Variants in CCDC171 observed in about 807,000 individuals in gnomAD.
CCDC171 encodes the protein coiled-coil domain-containing protein 171.
CCDC171 carries 177 observed loss-of-function variants against 168.2 expected under a neutral mutation model. The ratio of observed to expected loss-of-function variants is 1.05; its 90% CI spans 0.93 to 1.19. CCDC171 has a LOEUF of 1.19. Among genes scored for constraint, CCDC171 ranks in the 50% most tolerant of loss-of-function variants. CCDC171 has a pLI of 0.00. For synonymous variants in CCDC171, 687 were observed against 540.8 expected, an observed-to-expected ratio of 1.27 and a Z score of -3.75; for missense variants, 1,991 against 1,539.0, an observed-to-expected ratio of 1.29 and a Z score of -4.91.
At chr9:15,939,829 C>A (rs919782302) in intron 25 of CCDC171, among the ~76,000 whole-genome samples, 6 of 151,804 alleles carry the variant, frequency 4.0e-5, no homozygotes, top group African/African-American at 9.7e-5. Context: ...ATTTGAGACA[C>A]CCCGGAACAA....
rs777673348 is a variant in CCDC171, at chr9:15,724,773, C to T, written c.1492-3C>T. 8 of 1,609,482 alleles carry T rather than the reference C, an allele frequency of 5.0e-6. No individual in the cohort carries two copies. The highest frequency in any genetic ancestry group is 1.7e-4 in the Middle Eastern group (1 of 5,778). On this transcript the variant is annotated splice_region_variant and splice_polypyrimidine_tract_variant and intron_variant, in intron 13 of 25. Transcript: ENST00000380701. ...CAATCTCTTTATTTGGTATCTATGA[C>T]AGGAACTTCAGGATAAACTGGCTGA...
intron 23 of CCDC171, among the ~76,000 whole-genome samples, chr9:15,873,734 A>G (rs1426416597): frequency 2.6e-5 from 4 of 152,100 alleles, no homozygotes; most frequent in Non-Finnish European, 5.9e-5. Flanking sequence ...CATTTATATT[A>G]TATAAGGAAT....
At chr9:16,107,743 C>CA in the CCDC171 span, among the ~76,000 whole-genome samples, 2 of 151,650 alleles carry the variant, frequency 1.3e-5, no homozygotes, top group East Asian at 1.9e-4. Flanking sequence ...ACTTTCTTGA[C>CA]AAAAAAAATT....
intron 6 of CCDC171, among the ~76,000 whole-genome samples, chr9:15,594,980 G>A (rs1392699196): frequency 6.6e-6 from 1 of 151,754 alleles, no homozygotes; most frequent in African/African-American, 2.4e-5. Context: ...GTATTTTTTC[G>A]ACACAGAATG....
At chr9:16,102,637 C>A in the CCDC171 span, among the ~76,000 whole-genome samples, 2 of 152,102 alleles carry the variant, frequency 1.3e-5, no homozygotes, top group African/African-American at 4.8e-5. Flanking sequence ...ACTCGGATAT[C>A]TTTTTTAAAA....
intron 21 of CCDC171, among the ~76,000 whole-genome samples, chr9:15,809,010 G>T (rs770477132): frequency 7.2e-5 from 11 of 152,064 alleles, no homozygotes; most frequent in Non-Finnish European, 1.3e-4. Context: ...GAGCTCTTTG[G>T]GCCTTATTTA....
chr9:15,798,468 G>T (rs2058664019), intron 21 of CCDC171, among the ~76,000 whole-genome samples: 1 of 151,788 alleles, frequency 6.6e-6, no homozygotes, highest in African/African-American at 2.4e-5. Context: ...TGGGATACAT[G>T]TGCAGAACAT....
rs1427847962 is a variant in CCDC171 at position 15,571,490 on chromosome 9, A to G, written c.42-134A>G. On this transcript the variant is annotated intron_variant, in intron 2 of 25. Transcript: ENST00000380701. ...TTTTGCAGTGGACATCTTTTACTAG[A>G]TTGTGAACTCTAAGTCAAGAACCAT... is the stretch of plus-strand genomic sequence containing the variant. 4 of 626,514 alleles carry G rather than the reference A, an allele frequency of 6.4e-6. No individual in the cohort carries two copies. The East Asian group carries it at 1.3e-4, about 20-fold the overall frequency. The allele number at this position is 626,514 out of a possible 1,614,324, so 38.8% of individuals were successfully genotyped here. A position where few individuals can be genotyped will look rare whatever the true frequency, so the allele number is the denominator to read the frequency against.
At chr9:15,561,910 C>G (rs1420002805) in intron 1 of CCDC171, among the ~76,000 whole-genome samples, 1 of 152,042 alleles carries the variant, frequency 6.6e-6, no homozygotes. Flanking sequence ...GCCTGTTACT[C>G]AAGATTTTTT....
intron 25 of CCDC171, among the ~76,000 whole-genome samples, chr9:15,940,616 G>A (rs558689124): frequency 3.1e-4 from 47 of 152,026 alleles, no homozygotes; most frequent in African/African-American, 1.1e-3. Flanking sequence ...TCCCTCACCA[G>A]AAGTTATACA....
At chr9:15,961,479 G>A (rs552308588) in intron 25 of CCDC171, among the ~76,000 whole-genome samples, 3 of 152,240 alleles carry the variant, frequency 2.0e-5, no homozygotes, top group Non-Finnish European at 2.9e-5. Flanking sequence ...TTGCATTTGC[G>A]CAGAGTAGAG....
chr9:15,887,583 T>C (rs1435678178), intron 24 of CCDC171, among the ~76,000 whole-genome samples: 3 of 152,188 alleles, frequency 2.0e-5, no homozygotes, highest in African/African-American at 7.2e-5. Context: ...TTGGAGGTCC[T>C]GTTGAGAGAA....
At chr9:15,642,154 C>G (rs1358546937) in intron 7 of CCDC171, among the ~76,000 whole-genome samples, 2 of 151,144 alleles carry the variant, frequency 1.3e-5, no homozygotes, top group Non-Finnish European at 2.9e-5. Flanking sequence ...GAGTGAGACT[C>G]TGTCTCAAAA....
At chr9:15,668,262 T>C (rs1007508648) in intron 9 of CCDC171, among the ~76,000 whole-genome samples, 1 of 152,172 alleles carries the variant, frequency 6.6e-6, no homozygotes. Flanking sequence ...CTTATAAAGA[T>C]TGGACTGGAG....
intron 25 of CCDC171, among the ~76,000 whole-genome samples, chr9:15,954,713 G>C (rs1829605133): frequency 6.6e-6 from 1 of 150,974 alleles, no homozygotes; most frequent in Non-Finnish European, 1.5e-5. Flanking sequence ...TCACTGTAGT[G>C]AATTTTTCAT....
intron 24 of CCDC171, among the ~76,000 whole-genome samples, chr9:15,907,094 G>C (rs542268147): frequency 6.6e-6 from 1 of 152,088 alleles, no homozygotes; most frequent in African/African-American, 2.4e-5. Context: ...AGGTAATTTA[G>C]AGATTCAATG....
intron 6 of CCDC171, among the ~76,000 whole-genome samples, chr9:15,595,020 C>T (rs564584266): frequency 3.9e-5 from 6 of 152,046 alleles, no homozygotes; most frequent in African/African-American, 1.2e-4. Context: ...CTATAGATGT[C>T]AAAGATATGC....
At chr9:15,684,123 A>G (rs2050223340) in intron 10 of CCDC171, among the ~76,000 whole-genome samples, 1 of 152,136 alleles carries the variant, frequency 6.6e-6, no homozygotes, top group Non-Finnish European at 1.5e-5. Flanking sequence ...ACTAGGTACA[A>G]GATATGATGA....
At chr9:16,026,215 C>T (rs1355542760) in intron 6 of CCDC171, among the ~76,000 whole-genome samples, 7 of 152,100 alleles carry the variant, frequency 4.6e-5, no homozygotes, top group African/African-American at 1.4e-4. Flanking sequence ...GCTGGGGTCA[C>T]CCTAACCCTG....
Sources: allele counts gnomAD v4.1 joint callset (sites outside exome capture counted in the v4.1 genomes callset), GRCh38; gene constraint gnomAD v4.1.1; transcripts MANE v1.5; gene names NCBI Gene and HGNC (gene_info 2026-07-23, HGNC 2026-07-21).